The following MEI4 variants were observed in gnomAD, a reference collection of about 807,000 sequenced individuals.
The protein encoded by MEI4 is meiosis-specific protein MEI4.
Under a neutral mutation model 31.4 loss-of-function variants are expected in MEI4, and 27 were observed. The ratio of observed to expected loss-of-function variants is 0.86; its 90% CI spans 0.63 to 1.19. The LOEUF (loss-of-function observed/expected upper bound fraction) is 1.19. MEI4 is among the 50% of genes most tolerant of loss of function. The pLI is 0.00. For missense variants in MEI4, 329 were observed against 398.9 expected (o/e 0.82, Z 1.49); for synonymous variants, 122 against 145.4 (o/e 0.84, Z 1.16).
intron 4 of MEI4, among the ~76,000 whole-genome samples, chr6:77,880,645 T>C (rs971663816): frequency 2.0e-5 from 3 of 152,182 alleles, no homozygotes; most frequent in Non-Finnish European, 4.4e-5. Flanking sequence ...GGGAAGAACG[T>C]ACCCAAGCGT....
chr6:77,757,267 C>A (rs1351217150), intron 2 of MEI4, among the ~76,000 whole-genome samples: 2 of 152,164 alleles, frequency 1.3e-5, no homozygotes, highest in East Asian at 3.8e-4. Context: ...TTGACTTTAA[C>A]ATTGGGAGCC....
At chr6:77,807,095 A>G (rs1769460095) in intron 3 of MEI4, among the ~76,000 whole-genome samples, 1 of 151,012 alleles carries the variant, frequency 6.6e-6, no homozygotes, top group African/African-American at 2.4e-5. Flanking sequence ...CCCTGAGAGG[A>G]TATCAGCTTC....
intron 3 of MEI4, among the ~76,000 whole-genome samples, chr6:77,793,584 T>A (rs1302663553): frequency 6.6e-6 from 1 of 152,186 alleles, no homozygotes; most frequent in Non-Finnish European, 1.5e-5. Flanking sequence ...ATAGCTGTAA[T>A]TTGTTAATGG....
chr6:77,685,879 G>C (rs1161832679), intron 1 of MEI4, among the ~76,000 whole-genome samples: 4 of 152,114 alleles, frequency 2.6e-5, no homozygotes, highest in Non-Finnish European at 5.9e-5. Flanking sequence ...GGGAACTATA[G>C]TGATATGGTT....
At chr6:77,856,188 T>C (rs981286369) in intron 4 of MEI4, among the ~76,000 whole-genome samples, 1 of 152,192 alleles carries the variant, frequency 6.6e-6, no homozygotes, top group Non-Finnish European at 1.5e-5. Context: ...CAAGCTCTAA[T>C]GAACCGGCCC....
At chr6:77,676,700 G>A (rs1234643859) in intron 1 of MEI4, among the ~76,000 whole-genome samples, 2 of 152,054 alleles carry the variant, frequency 1.3e-5, no homozygotes, top group Admixed American at 6.5e-5. Flanking sequence ...TTTTGGGTGG[G>A]GAAGCCTGGC....
chr6:77,788,918 G>A (rs1768832608), intron 3 of MEI4, among the ~76,000 whole-genome samples: 1 of 152,038 alleles, frequency 6.6e-6, no homozygotes, highest in Non-Finnish European at 1.5e-5. Flanking sequence ...AAGTTCATAT[G>A]GAACCAAAAA....
At chr6:77,695,481 T>C (rs981238913) in intron 2 of MEI4, among the ~76,000 whole-genome samples, 1 of 152,228 alleles carries the variant, frequency 6.6e-6, no homozygotes, top group African/African-American at 2.4e-5. Context: ...TTTCTACATA[T>C]GGCTAGCCAG....
At chr6:77,696,147 G>C (rs1246733561) in intron 2 of MEI4, among the ~76,000 whole-genome samples, 1 of 152,148 alleles carries the variant, frequency 6.6e-6, no homozygotes, top group African/African-American at 2.4e-5. Context: ...TTGCTTATCA[G>C]CTTAAGGAGA....
At chr6:77,860,914 T>C (rs12665590) in intron 4 of MEI4, among the ~76,000 whole-genome samples, 14,014 of 152,232 alleles carry the variant, frequency 0.092, 941 homozygotes, top group East Asian at 0.31. Context: ...GCTCAGAGTA[T>C]TTCACTTGTT....
intron 4 of MEI4, among the ~76,000 whole-genome samples, chr6:77,852,582 TTTG>T (rs771067982): frequency 2.6e-4 from 14 of 53,206 alleles, no homozygotes; most frequent in African/African-American, 4.4e-4. Context: ...TTTGTTGTTG[TTTG>T]TTTTTTTTTT....
At position 77,765,818 on chromosome 6, in the gene MEI4, A is replaced by C. The variant is rs200251732; in HGVS notation, c.768+4153A>C. On this transcript the variant is annotated intron_variant, in intron 3 of 4. Coordinates refer to ENST00000684080, the MANE Select transcript of MEI4 (RefSeq NM_001322247.2). ...TCCAACAATGATAGACTGGATTAAG[A>C]AAATGTGGCACATATATACCATTGA... Among the ~76,000 whole-genome samples, 38 of 149,676 alleles carry C rather than the reference A, an allele frequency of 2.5e-4. No individual in the cohort carries two copies. In the East Asian group the frequency reaches 7.3e-3, roughly 29 times the overall value.
chr6:77,851,867 A>G (rs1029193192), intron 4 of MEI4, among the ~76,000 whole-genome samples: 7 of 152,164 alleles, frequency 4.6e-5, no homozygotes, highest in African/African-American at 1.7e-4. Context: ...GTATCTGGTT[A>G]GTCTTTAATG....
chr6:77,701,928 G>A (rs148011553), intron 2 of MEI4, among the ~76,000 whole-genome samples: 54 of 152,138 alleles, frequency 3.5e-4, no homozygotes, highest in Non-Finnish European at 2.5e-4. Flanking sequence ...GATGACTTTG[G>A]GAGCTTCCTG....
intron 4 of MEI4, among the ~76,000 whole-genome samples, chr6:77,860,605 T>TA (rs1770841535): frequency 6.6e-6 from 1 of 152,200 alleles, no homozygotes; most frequent in Non-Finnish European, 1.5e-5. Context: ...AAACCACTGA[T>TA]AAAATGAGAG....
At chr6:77,874,414 A>G (rs1023311470) in intron 4 of MEI4, among the ~76,000 whole-genome samples, 23 of 152,098 alleles carry the variant, frequency 1.5e-4, no homozygotes, top group Non-Finnish European at 2.8e-4. Flanking sequence ...TTTGTCTGTT[A>G]TTGGTGTATA....
At chr6:77,763,614 C>T (rs1768095299) in intron 3 of MEI4, among the ~76,000 whole-genome samples, 1 of 152,164 alleles carries the variant, frequency 6.6e-6, no homozygotes, top group Non-Finnish European at 1.5e-5. Context: ...TCCACCTATA[C>T]CATCACAAGT....
chr6:77,767,682 G>C (rs904286683), intron 3 of MEI4, among the ~76,000 whole-genome samples: 13 of 137,064 alleles, frequency 9.5e-5, no homozygotes, highest in African/African-American at 3.5e-4. Flanking sequence ...GGGCCACAGA[G>C]CAGGAAACTG....
At chr6:77,657,419 CCTCT>C (rs1768417664) in intron 1 of MEI4, among the ~76,000 whole-genome samples, 2 of 152,118 alleles carry the variant, frequency 1.3e-5, no homozygotes, top group Admixed American at 1.3e-4. Flanking sequence ...CATCACCTGC[CCTCT>C]CTTTTAACAA....
Sources: gnomAD v4.1 joint callset for allele counts (sites outside exome capture counted in the v4.1 genomes callset) on GRCh38, gnomAD v4.1.1 for gene constraint, MANE v1.5 for transcripts, NCBI Gene and HGNC (gene_info 2026-07-23, HGNC 2026-07-21) for gene names.